RANBP2: variants seen among roughly 807,000 people sequenced by gnomAD.
The protein encoded by RANBP2 is E3 SUMO-protein ligase RanBP2.
In RANBP2, 57 loss-of-function variants were observed where a neutral mutation model predicts 303.6. The ratio of observed to expected loss-of-function variants is 0.19; its 90% CI spans 0.15 to 0.23. The LOEUF (loss-of-function observed/expected upper bound fraction) is 0.23. RANBP2 is among the 10% of genes least tolerant of loss of function. RANBP2 has a pLI of 1.00. For missense variants in RANBP2, 3,138 were observed against 3,780.8 expected (o/e 0.83, Z 4.46); for synonymous variants, 1,167 against 1,301.5 (o/e 0.90, Z 2.23).
In RANBP2 at chr2:108,730,806, G is replaced by A. The variant is rs771708771; in HGVS notation, c.173G>A (p.Arg58Lys). ...YICTYINVQE[R>K]DPKAHRFLGL... ...TGTACTTACATTAATGTGCAAGAGA[G>A]GGATCCCAAAGCTCACAGATTTCTG... The change falls in exon 3 of 29, where the codon AGG becomes AAG. Residue 58 changes from arginine (R) to lysine (K), a missense_variant. Arg to Lys is a conservative substitution (Grantham distance 26, BLOSUM62 2). This residue lies in a region of RANBP2 where 306 missense variants were observed against 381.9 expected (regional missense o/e 0.80). Transcript: ENST00000283195. 4 of 1,611,464 alleles carry A rather than the reference G, an allele frequency of 2.5e-6. No homozygotes were observed. Among genetic ancestry groups the A allele is most frequent in the African/African-American group, 1.3e-5 (1 of 74,818 alleles).
chr2:108,839,130 A>G, the RANBP2 span: 4 of 1,504,248 alleles, frequency 2.7e-6, no homozygotes, highest in Non-Finnish European at 3.6e-6. Context: ...TAATTGATTT[A>G]AGACATTTAA....
the RANBP2 span, among the ~76,000 whole-genome samples, chr2:109,276,494 G>C: frequency 2.2e-4 from 33 of 152,150 alleles, 1 homozygote; most frequent in Admixed American, 9.2e-4. Context: ...CTGCATGGAA[G>C]GCCTTGTTCA....
intron 1 of RANBP2, among the ~76,000 whole-genome samples, chr2:108,720,924 C>T (rs954042074): frequency 6.6e-6 from 1 of 152,138 alleles, no homozygotes; most frequent in Non-Finnish European, 1.5e-5. Context: ...TGGCGCATGC[C>T]TGTAGTCCCA....
the RANBP2 span, among the ~76,000 whole-genome samples, chr2:109,621,300 G>A: frequency 2.6e-5 from 4 of 151,920 alleles, no homozygotes; most frequent in East Asian, 1.9e-4. Context: ...CTACAGTCGC[G>A]CGCCACTACG....
chr2:108,746,930 G>C, intron 8 of RANBP2, 132 bp downstream of exon 8: 2 of 1,207,354 alleles, frequency 1.7e-6, no homozygotes, highest in Non-Finnish European at 2.3e-6. Flanking sequence ...TATCAGTTAA[G>C]AGCAATAGGT....
chr2:109,020,568 A>G, the RANBP2 span, among the ~76,000 whole-genome samples: 2 of 152,206 alleles, frequency 1.3e-5, no homozygotes, highest in Non-Finnish European at 2.9e-5. Context: ...ACAAGCTGAC[A>G]ACTTTATTGG....
the RANBP2 span, chr2:109,398,647 T>A: frequency 3.1e-6 from 5 of 1,603,092 alleles, no homozygotes; most frequent in Non-Finnish European, 4.3e-6. Context: ...AGCCGCTGCA[T>A]CCAGCTGCAA....
the RANBP2 span, among the ~76,000 whole-genome samples, chr2:108,966,595 C>T: frequency 1.3e-5 from 2 of 152,220 alleles, no homozygotes; most frequent in South Asian, 2.1e-4. Context: ...GAGAGTTCTA[C>T]GGTGCCCAAG....
chr2:109,249,493 CTTTCTTTCTTTCTTTCATTCTTTCTT>C, the RANBP2 span, among the ~76,000 whole-genome samples: 20 of 24,096 alleles, frequency 8.3e-4, no homozygotes, highest in East Asian at 8.9e-3. Flanking sequence ...TTCTTTCTTT[CTTTCTTTCTTTCTTTCATTCTTTCTT>C]TTTCTTTCTT....
chr2:109,743,463 C>G, the RANBP2 span, among the ~76,000 whole-genome samples: 5 of 145,824 alleles, frequency 3.4e-5, 1 homozygote, highest in Admixed American at 1.4e-4. Flanking sequence ...AAAGAAAAAT[C>G]GACAGTTGGA....
chr2:109,039,584 C>A, the RANBP2 span, among the ~76,000 whole-genome samples: 1 of 152,058 alleles, frequency 6.6e-6, no homozygotes, highest in Non-Finnish European at 1.5e-5. Context: ...CTCTTGACCT[C>A]GTGATCTGCC....
chr2:109,581,912 A>C, the RANBP2 span, among the ~76,000 whole-genome samples: 1 of 152,226 alleles, frequency 6.6e-6, no homozygotes, highest in Non-Finnish European at 1.5e-5. Flanking sequence ...ATAATTTCAT[A>C]CCTAGACAAC....
the RANBP2 span, among the ~76,000 whole-genome samples, chr2:109,498,937 C>T: frequency 9.2e-5 from 14 of 152,264 alleles, 1 homozygote; most frequent in East Asian, 1.4e-3. Context: ...GTCGCTAGGG[C>T]GCGGCAGGGC....
chr2:108,807,505 A>T, the RANBP2 span, among the ~76,000 whole-genome samples: 1 of 152,308 alleles, frequency 6.6e-6, no homozygotes, highest in African/African-American at 2.4e-5. Flanking sequence ...TTGTATTGGA[A>T]ATATTCAAAA....
chr2:109,192,553 G>A, the RANBP2 span, among the ~76,000 whole-genome samples: 6 of 152,230 alleles, frequency 3.9e-5, no homozygotes, highest in East Asian at 1.9e-4. Context: ...CTGTGCCAGC[G>A]TGGTCCTCAT....
chr2:109,553,856 A>G, the RANBP2 span, among the ~76,000 whole-genome samples: 1 of 151,184 alleles, frequency 6.6e-6, no homozygotes, highest in Non-Finnish European at 1.5e-5. Context: ...TCTGTCTCAA[A>G]AAAAAAAAAA....
At chr2:109,212,764 C>A in the RANBP2 span, among the ~76,000 whole-genome samples, 14 of 152,224 alleles carry the variant, frequency 9.2e-5, no homozygotes, top group African/African-American at 2.2e-4. Context: ...CCTTCTCCCC[C>A]ACCCGTCAGT....
chr2:109,540,905 C>CTGT, the RANBP2 span, among the ~76,000 whole-genome samples: 4 of 151,934 alleles, frequency 2.6e-5, no homozygotes, highest in Non-Finnish European at 5.9e-5. Flanking sequence ...AAGTTCTAGA[C>CTGT]TGTTCTCTTG....
the RANBP2 span, among the ~76,000 whole-genome samples, chr2:109,248,805 T>C: frequency 1.1e-3 from 161 of 151,786 alleles, 1 homozygote; most frequent in African/African-American, 3.7e-3. Context: ...CTGTCTCTCT[T>C]TCTCTTTCGT....
Sources: gnomAD v4.1 joint callset for allele counts (sites outside exome capture counted in the v4.1 genomes callset) on GRCh38, gnomAD v4.1.1 for gene constraint, gnomAD v4.1.1 regional missense constraint, MANE v1.5 for transcripts, NCBI Gene and HGNC (gene_info 2026-07-23, HGNC 2026-07-21) for gene names.